Variants in ZFPM2 observed in about 807,000 individuals in gnomAD.
ZFPM2 encodes zinc finger protein, FOG family member 2, also known as zinc finger protein ZFPM2.
Under a neutral mutation model 98.6 loss-of-function variants are expected in ZFPM2, and 20 were observed. That is an observed-to-expected ratio of 0.20 (90% CI 0.14 to 0.29). The LOEUF is 0.29. Among genes scored for constraint, ZFPM2 ranks in the 10% least tolerant of loss-of-function variants. ZFPM2 has a pLI of 1.00. For synonymous variants in ZFPM2, 518 were observed against 502.7 expected (o/e 1.03, Z -0.41); for missense variants, 1,310 against 1,388.6 (o/e 0.94, Z 0.90).
chr8:105,421,219 C>T (rs960031566), intron 2 of ZFPM2, among the ~76,000 whole-genome samples: 2 of 151,728 alleles, frequency 1.3e-5, no homozygotes, highest in Non-Finnish European at 1.5e-5. Context: ...TTGTTCTGAA[C>T]AAGATTCAGT....
At chr8:105,653,619 G>A (rs981785950) in intron 5 of ZFPM2, among the ~76,000 whole-genome samples, 2 of 152,152 alleles carry the variant, frequency 1.3e-5, no homozygotes, top group Non-Finnish European at 2.9e-5. Context: ...ATTCAAGTCT[G>A]AGAAGCCAGG....
chr8:105,572,507 C>T (rs1815379620), intron 4 of ZFPM2, among the ~76,000 whole-genome samples: 1 of 150,158 alleles, frequency 6.7e-6, no homozygotes, highest in Admixed American at 6.6e-5. Context: ...TGCTGTTGTT[C>T]CCCAGGCTGG....
intron 1 of ZFPM2, among the ~76,000 whole-genome samples, chr8:105,353,003 A>G (rs993662633): frequency 1.3e-5 from 2 of 152,152 alleles, no homozygotes; most frequent in Non-Finnish European, 2.9e-5. Context: ...ATAGGCTTTG[A>G]GCTAAGTACA....
In ZFPM2 at chr8:105,718,096, A is replaced by G. The variant is rs186855020; in HGVS notation, c.533-70622A>G. Among the ~76,000 whole-genome samples the G allele has an allele frequency of 1.2e-4, 19 of 152,044 alleles. No individual in the cohort carries two copies. The East Asian group carries it at 3.5e-3, about 28-fold the overall frequency. ...AATAAGTGAGGTCCAAAAATTTAGA[A>G]GTCTAAAATGTGAGGTCATGTTATT... On this transcript the variant is annotated intron_variant, in intron 5 of 7. Coordinates refer to ENST00000407775, the MANE Select transcript of ZFPM2 (RefSeq NM_012082.4).
intron 3 of ZFPM2, among the ~76,000 whole-genome samples, chr8:105,536,972 G>A (rs1814466441): frequency 6.6e-6 from 1 of 152,094 alleles, no homozygotes; most frequent in African/African-American, 2.4e-5. Context: ...GGTCATCACT[G>A]CCATAAATTC....
chr8:105,621,186 T>A (rs2130816836), intron 4 of ZFPM2, among the ~76,000 whole-genome samples: 1 of 152,324 alleles, frequency 6.6e-6, no homozygotes, highest in Non-Finnish European at 1.5e-5. Flanking sequence ...TCCATTTGTT[T>A]GTGTCCTCTT....
At position 105,452,582 on chromosome 8, in the gene ZFPM2, C is replaced by T. The variant is rs372618786; in HGVS notation, c.301+8201C>T. Reference sequence around the variant, plus strand: ...GGGCAATATTGTGTAACCCTCATTTCTACAAAAAATTAAAAAAAAATTAGC... The same window carrying T: ...GGGCAATATTGTGTAACCCTCATTTTTACAAAAAATTAAAAAAAAATTAGC... On this transcript the variant is annotated intron_variant, in intron 3 of 7. Coordinates refer to ENST00000407775, the MANE Select transcript of ZFPM2 (RefSeq NM_012082.4). Among the ~76,000 whole-genome samples, 8 of 151,814 alleles carry T rather than the reference C, an allele frequency of 5.3e-5. No homozygotes were observed. In the East Asian group the frequency reaches 1.2e-3, roughly 22 times the overall value.
At chr8:105,646,081 A>G (rs867937723) in intron 5 of ZFPM2, among the ~76,000 whole-genome samples, 10 of 151,546 alleles carry the variant, frequency 6.6e-5, no homozygotes, top group African/African-American at 2.4e-4. Context: ...AAGAAAGGAG[A>G]AACATGCATA....
chr8:105,422,149 A>AT (rs1029748505), intron 2 of ZFPM2, among the ~76,000 whole-genome samples: 5 of 150,494 alleles, frequency 3.3e-5, no homozygotes, highest in African/African-American at 1.2e-4. Flanking sequence ...GAAGAAAAGT[A>AT]TTTTTAGGCC....
At chr8:105,629,656 A>G (rs2130831566) in intron 4 of ZFPM2, among the ~76,000 whole-genome samples, 1 of 152,248 alleles carries the variant, frequency 6.6e-6, no homozygotes, top group African/African-American at 2.4e-5. Context: ...GAGAGAATCC[A>G]TTTCGTGCTC....
chr8:105,777,832 AT>A (rs1225711816), intron 5 of ZFPM2, among the ~76,000 whole-genome samples: 1 of 152,206 alleles, frequency 6.6e-6, no homozygotes, highest in Non-Finnish European at 1.5e-5. Flanking sequence ...TAGTTAATAC[AT>A]TTATAAGCAA....
chr8:105,697,019 A>G (rs1171049095), intron 5 of ZFPM2, among the ~76,000 whole-genome samples: 1 of 152,186 alleles, frequency 6.6e-6, no homozygotes, highest in Non-Finnish European at 1.5e-5. Context: ...ATATATTCAG[A>G]TTTTCAACTT....
intron 1 of ZFPM2, among the ~76,000 whole-genome samples, chr8:105,358,287 T>C (rs1312561806): frequency 6.6e-6 from 1 of 151,582 alleles, no homozygotes; most frequent in African/African-American, 2.4e-5. Context: ...GGAGTCTTGC[T>C]CTGTCGCCCA....
chr8:105,613,628 A>T (rs1816353954), intron 4 of ZFPM2, among the ~76,000 whole-genome samples: 2 of 152,158 alleles, frequency 1.3e-5, no homozygotes, highest in Non-Finnish European at 2.9e-5. Context: ...AAATCACCTT[A>T]GCATCTTACC....
At chr8:105,640,634 C>G (rs1361485450) in intron 5 of ZFPM2, among the ~76,000 whole-genome samples, 1 of 152,026 alleles carries the variant, frequency 6.6e-6, no homozygotes, top group Non-Finnish European at 1.5e-5. Context: ...TGCACACTCT[C>G]TAAATTAAAT....
intron 5 of ZFPM2, among the ~76,000 whole-genome samples, chr8:105,699,027 C>T (rs548972286): frequency 5.3e-4 from 81 of 152,142 alleles, no homozygotes; most frequent in African/African-American, 1.9e-3. Context: ...TAAAAATGAG[C>T]ACATAAGTTA....
intron 5 of ZFPM2, among the ~76,000 whole-genome samples, chr8:105,741,221 A>G (rs183977800): frequency 7.6e-4 from 115 of 152,192 alleles, no homozygotes; most frequent in South Asian, 1.2e-3. Context: ...CAAGTAAGAC[A>G]AGGTCCAAAA....
intron 4 of ZFPM2, among the ~76,000 whole-genome samples, chr8:105,624,416 C>A (rs1241408594): frequency 6.6e-6 from 1 of 151,976 alleles, no homozygotes; most frequent in East Asian, 1.9e-4. Flanking sequence ...CTCTTCGGAG[C>A]CAAATGTATG....
At chr8:105,324,532 A>G (rs1370346649) in intron 1 of ZFPM2, among the ~76,000 whole-genome samples, 3 of 151,836 alleles carry the variant, frequency 2.0e-5, no homozygotes, top group Non-Finnish European at 4.4e-5. Context: ...ACCACTGGAA[A>G]AAGTTTTAAG....
Sources: gnomAD v4.1 joint callset for allele counts (sites outside exome capture counted in the v4.1 genomes callset) on GRCh38, gnomAD v4.1.1 for gene constraint, MANE v1.5 for transcripts, NCBI Gene and HGNC (gene_info 2026-07-23, HGNC 2026-07-21) for gene names.